PALD1: variants seen among roughly 807,000 people sequenced by gnomAD.
The protein encoded by PALD1 is phosphatase domain containing paladin 1.
Under a neutral mutation model 96.0 loss-of-function variants are expected in PALD1, and 57 were observed. The observed-to-expected ratio is 0.59, with a 90% CI of 0.48 to 0.74. The LOEUF (loss-of-function observed/expected upper bound fraction) is 0.74. Ranked by LOEUF, PALD1 falls within the 30% of genes least tolerant of loss-of-function variation. The pLI, the probability that PALD1 is intolerant of heterozygous loss-of-function variation, is 0.00. For missense variants in PALD1, 1,063 were observed against 1,143.7 expected, an observed-to-expected ratio of 0.93 and a Z score of 1.02; for synonymous variants, 464 against 473.6, an observed-to-expected ratio of 0.98 and a Z score of 0.26.
chr10:70,472,709 C>T, the PALD1 span, among the ~76,000 whole-genome samples: 4 of 152,002 alleles, frequency 2.6e-5, no homozygotes, highest in Admixed American at 6.6e-5. Context: ...GACTCTGCAG[C>T]GAGACCCAGT....
At chr10:70,513,866 A>G (rs565634051) in intron 1 of PALD1, among the ~76,000 whole-genome samples, 1 of 152,328 alleles carries the variant, frequency 6.6e-6, no homozygotes, top group Admixed American at 6.5e-5. Context: ...CCTGAATTCC[A>G]GGAACCTGCA....
chr10:70,494,343 G>C (rs1344644927), intron 1 of PALD1, among the ~76,000 whole-genome samples: 1 of 152,180 alleles, frequency 6.6e-6, no homozygotes, highest in Non-Finnish European at 1.5e-5. Context: ...TGTATTTCTG[G>C]CTCCTAGAAC....
At chr10:70,510,996 G>C (rs1448598780) in intron 1 of PALD1, among the ~76,000 whole-genome samples, 1 of 152,096 alleles carries the variant, frequency 6.6e-6, no homozygotes, top group Non-Finnish European at 1.5e-5. Flanking sequence ...TGGATCCTGG[G>C]CTCCCAGGAT....
chr10:70,550,112 G>A (rs1317922057), intron 18 of PALD1, among the ~76,000 whole-genome samples: 1 of 152,226 alleles, frequency 6.6e-6, no homozygotes, highest in Non-Finnish European at 1.5e-5. Context: ...ACTGAGAGGA[G>A]ACACCCTCTA....
chr10:70,558,965 A>G (rs1290072594), intron 18 of PALD1, among the ~76,000 whole-genome samples: 3 of 152,044 alleles, frequency 2.0e-5, no homozygotes, highest in Admixed American at 1.3e-4. Flanking sequence ...GCATTTTTCT[A>G]TCAGCCGAGG....
Position 70,533,996 on chromosome 10 carries a change from C to T in PALD1, c.945C>T (p.Gly315=), listed in dbSNP as rs149940192. The T allele has an allele frequency of 4.4e-5, 71 of 1,613,202 alleles. No homozygotes were observed. Among genetic ancestry groups the T allele is most frequent in the African/African-American group, 1.6e-4 (12 of 74,912 alleles). ...CCCTCGTCTTCAGCTGCCAGATGGG[C>T]GTGGGCAGGACCAACCTGGGCATGG... ...PPALVFSCQM[G]VGRTNLGMVL... Residue 315 remains glycine, a synonymous_variant, in exon 8 of 20, where the codon GGC becomes GGT. Coordinates refer to ENST00000263563, the MANE Select transcript of PALD1 (RefSeq NM_014431.3).
chr10:70,537,964 C>A, intron 11 of PALD1, 58 bp downstream of exon 11: 2 of 1,236,768 alleles, frequency 1.6e-6, no homozygotes, highest in South Asian at 1.2e-5. Context: ...CCCAGCCTCC[C>A]CACCGCAGTG....
chr10:70,510,131 A>G (rs1305604348), intron 1 of PALD1, among the ~76,000 whole-genome samples: 1 of 152,116 alleles, frequency 6.6e-6, no homozygotes, highest in Non-Finnish European at 1.5e-5. Context: ...CTAAGGGGGT[A>G]CTTGAGTGCT....
At position 70,566,987 on chromosome 10, in the gene PALD1, C is replaced by G. The variant is rs912805686; in HGVS notation, c.*254C>G. 5 of 500,044 alleles carry G rather than the reference C, an allele frequency of 1.0e-5. No individual in the cohort carries two copies. Among genetic ancestry groups the G allele is most frequent in the African/African-American group, 9.8e-5 (5 of 51,134 alleles). The allele number at this position is 500,044 out of a possible 1,614,324, so 31.0% of individuals were successfully genotyped here. A position where few individuals can be genotyped will look rare whatever the true frequency, so the allele number is the denominator to read the frequency against. On this transcript the variant is annotated 3_prime_UTR_variant, in exon 20 of 20. Coordinates refer to ENST00000263563, the MANE Select transcript of PALD1 (RefSeq NM_014431.3). The stretch of plus-strand genomic sequence containing the variant: ...GGAGGAGCACTCACTGGAGTGCTCA[C>G]AAGGTGCACACTGCTGTGTGTACCT...
chr10:70,505,624 C>T (rs1479512010), intron 1 of PALD1, among the ~76,000 whole-genome samples: 5 of 98,322 alleles, frequency 5.1e-5, no homozygotes, highest in South Asian at 2.9e-4. Context: ...CAAAACAAAA[C>T]AAAACAAAAC....
chr10:70,496,034 A>ACAACAG (rs1259463438), intron 1 of PALD1, among the ~76,000 whole-genome samples: 1 of 151,854 alleles, frequency 6.6e-6, no homozygotes, highest in Non-Finnish European at 1.5e-5. Flanking sequence ...AACAACAACA[A>ACAACAG]CAACAGCAGT....
chr10:70,481,896 A>T (rs772157821), intron 1 of PALD1, among the ~76,000 whole-genome samples: 2 of 152,252 alleles, frequency 1.3e-5, no homozygotes, highest in East Asian at 3.8e-4. Flanking sequence ...TGCACCATGC[A>T]ACCTCCAGCA....
chr10:70,475,128 C>T (rs915597204), upstream of PALD1, among the ~76,000 whole-genome samples: 2 of 152,224 alleles, frequency 1.3e-5, no homozygotes, highest in Non-Finnish European at 2.9e-5. Flanking sequence ...CATCATTTTA[C>T]AAATGAGGAG....
At chr10:70,538,788 G>A (rs998230602) in intron 12 of PALD1, 104 bp from the exon 13 acceptor site, 2 of 937,548 alleles carry the variant, frequency 2.1e-6, no homozygotes, top group Non-Finnish European at 3.4e-6. Context: ...AAACTGTGAA[G>A]CTCGGGTTCC....
At chr10:70,529,442 C>A in intron 3 of PALD1, 111 bp downstream of exon 3, 1 of 641,262 alleles carries the variant, frequency 1.6e-6, no homozygotes. Flanking sequence ...CGTCTCTCTG[C>A]CCATTTTCAG....
At position 70,566,893 on chromosome 10, in the gene PALD1, C is replaced by T; in HGVS notation, c.*160C>T. 1 of 583,640 alleles carries T rather than the reference C, an allele frequency of 1.7e-6. No homozygotes were observed. The highest frequency in any genetic ancestry group is 1.9e-5 in the African/African-American group (1 of 53,594). 36.2% of individuals were successfully genotyped at this position (583,640 alleles called of 1,614,324 possible). A position where few individuals can be genotyped will look rare whatever the true frequency, so the allele number is the denominator to read the frequency against. On this transcript the variant is annotated 3_prime_UTR_variant, in exon 20 of 20. Transcript: ENST00000263563. ...GAGTTGGGAGCCTTTTTAGAAAGAA[C>T]TTTTTATAGGACAGGGAGACAGCAC...
intron 18 of PALD1, among the ~76,000 whole-genome samples, chr10:70,560,824 G>A (rs1473322479): frequency 1.3e-5 from 2 of 152,100 alleles, no homozygotes; most frequent in African/African-American, 4.8e-5. Context: ...GGATGAGGAA[G>A]CCTTGTCCGG....
chr10:70,548,712 G>A (rs1362712476), intron 18 of PALD1, among the ~76,000 whole-genome samples: 1 of 152,242 alleles, frequency 6.6e-6, no homozygotes, highest in East Asian at 1.9e-4. Context: ...GAGGGGGCCT[G>A]CCCCAAGCCA....
At chr10:70,547,185 T>C in intron 17 of PALD1, 121 bp from the exon 18 acceptor site, 1 of 831,880 alleles carries the variant, frequency 1.2e-6, no homozygotes, top group Non-Finnish European at 2.0e-6. Context: ...CAGGCAGGGC[T>C]CTCTGTTCAG....
Sources: allele counts gnomAD v4.1 joint callset (sites outside exome capture counted in the v4.1 genomes callset), GRCh38; gene constraint gnomAD v4.1.1; transcripts MANE v1.5; gene names NCBI Gene and HGNC (gene_info 2026-07-23, HGNC 2026-07-21).